AMBRA1: variants seen among roughly 807,000 people sequenced by gnomAD.
The protein encoded by AMBRA1 is autophagy and beclin 1 regulator 1.
AMBRA1 carries 47 observed loss-of-function variants against 125.4 expected under a neutral mutation model. The ratio of observed to expected loss-of-function variants is 0.37; its 90% CI spans 0.30 to 0.48. The LOEUF (loss-of-function observed/expected upper bound fraction) is 0.48, where lower values mean the gene tolerates loss of function less well. Ranked by LOEUF, AMBRA1 falls within the 20% of genes least tolerant of loss-of-function variation. AMBRA1 has a pLI of 0.99. For synonymous variants in AMBRA1, 626 were observed against 655.5 expected (o/e 0.95, Z 0.69); for missense variants, 1,331 against 1,693.4 (o/e 0.79, Z 3.76).
At chr11:46,408,375 C>T in intron 17 of AMBRA1, 138 bp downstream of exon 17, 1 of 873,984 alleles carries the variant, frequency 1.1e-6, no homozygotes, top group Non-Finnish European at 1.6e-6. Context: ...GAAACCATGT[C>T]GCTGCTGAGG....
chr11:46,485,398 A>G (rs1950231056), intron 11 of AMBRA1, among the ~76,000 whole-genome samples: 1 of 152,200 alleles, frequency 6.6e-6, no homozygotes, highest in Non-Finnish European at 1.5e-5. Context: ...AAACTGTACG[A>G]AAGACAAACT....
chr11:46,565,933 G>A (rs1483711756), intron 1 of AMBRA1, among the ~76,000 whole-genome samples: 1 of 151,762 alleles, frequency 6.6e-6, no homozygotes, highest in East Asian at 1.9e-4. Flanking sequence ...CCATCACATC[G>A]GCTAATTTTT....
chr11:46,415,721 C>A (rs1289742323), intron 15 of AMBRA1, among the ~76,000 whole-genome samples: 1 of 152,224 alleles, frequency 6.6e-6, no homozygotes, highest in Non-Finnish European at 1.5e-5. Flanking sequence ...TCCAACACAA[C>A]TTGGTCTGTG....
intron 1 of AMBRA1, among the ~76,000 whole-genome samples, chr11:46,555,785 C>T (rs1033059434): frequency 2.0e-5 from 3 of 152,242 alleles, no homozygotes; most frequent in African/African-American, 7.2e-5. Flanking sequence ...TAAAACCTGA[C>T]TAATAATTCA....
At chr11:46,590,421 G>T (rs1032279328) in intron 1 of AMBRA1, among the ~76,000 whole-genome samples, 3 of 151,778 alleles carry the variant, frequency 2.0e-5, no homozygotes, top group Non-Finnish European at 4.4e-5. Context: ...TTGAGCCCAG[G>T]AGTTTTGAGT....
chr11:46,560,595 G>A (rs902205552), intron 1 of AMBRA1, among the ~76,000 whole-genome samples: 1 of 152,114 alleles, frequency 6.6e-6, no homozygotes, highest in Non-Finnish European at 1.5e-5. Context: ...AAAAAGAAAC[G>A]GAAGTTTTAT....
Position 46,437,707 on chromosome 11 carries a change from GA to G in AMBRA1, c.2633-2671del, listed in dbSNP as rs559062037. 1.5e-3 allele frequency among the ~76,000 whole-genome samples: 225 copies of G among 152,354 alleles called. 1 individual carries two copies. Among genetic ancestry groups the G allele is most frequent in the Middle Eastern group, 3.4e-3 (1 of 294 alleles). ...TTTGATGAGTTAATTCATACAGGAA[GA>G]GATTTCTTGGATCTCAATTACTTGT... On this transcript the variant is annotated intron_variant, in intron 12 of 17. Transcript: ENST00000683756.
intron 11 of AMBRA1, among the ~76,000 whole-genome samples, chr11:46,445,347 C>G (rs893988582): frequency 3.3e-5 from 5 of 152,088 alleles, no homozygotes; most frequent in Admixed American, 6.5e-5. Context: ...TCCCTGAGAC[C>G]TGAGAATGAC....
At chr11:46,427,518 C>T (rs911417645) in intron 14 of AMBRA1, among the ~76,000 whole-genome samples, 1 of 152,214 alleles carries the variant, frequency 6.6e-6, no homozygotes, top group Admixed American at 6.5e-5. Context: ...CTTAACTTAG[C>T]GCGCAGAGTC....
At chr11:46,432,584 C>T (rs1001331135) in intron 14 of AMBRA1, among the ~76,000 whole-genome samples, 12 of 152,130 alleles carry the variant, frequency 7.9e-5, no homozygotes, top group Admixed American at 4.6e-4. Flanking sequence ...CATCTACATG[C>T]ACAGCACTAA....
chr11:46,447,845 C>G (rs573294673), intron 11 of AMBRA1, among the ~76,000 whole-genome samples: 1 of 152,154 alleles, frequency 6.6e-6, no homozygotes, highest in Non-Finnish European at 1.5e-5. Context: ...ACTCCACTCT[C>G]TGTGTGTATT....
At chr11:46,399,254 A>G (rs1260444442) in intron 17 of AMBRA1, among the ~76,000 whole-genome samples, 1 of 151,192 alleles carries the variant, frequency 6.6e-6, no homozygotes, top group Non-Finnish European at 1.5e-5. Flanking sequence ...TTGTATTTTT[A>G]GTAGAGACGG....
chr11:46,572,103 C>T (rs1427385974), intron 1 of AMBRA1, among the ~76,000 whole-genome samples: 1 of 152,102 alleles, frequency 6.6e-6, no homozygotes, highest in Non-Finnish European at 1.5e-5. Context: ...GAGATCGAGA[C>T]CATCCTGGCC....
chr11:46,566,499 A>G (rs2043538253), intron 1 of AMBRA1, among the ~76,000 whole-genome samples: 1 of 152,168 alleles, frequency 6.6e-6, no homozygotes, highest in African/African-American at 2.4e-5. Context: ...AAAAAGGCCA[A>G]TCCAAATGGT....
chr11:46,417,347 G>A (rs1946591501), intron 15 of AMBRA1, among the ~76,000 whole-genome samples: 1 of 152,136 alleles, frequency 6.6e-6, no homozygotes, highest in Admixed American at 6.5e-5. Context: ...ACTGTGCCCA[G>A]CCCCAAATTG....
intron 7 of AMBRA1, among the ~76,000 whole-genome samples, chr11:46,513,264 T>C (rs1207276482): frequency 2.1e-5 from 3 of 144,962 alleles, no homozygotes; most frequent in South Asian, 2.1e-4. Context: ...CTACGCTCTT[T>C]TTTCTTTTTT....
At chr11:46,592,195 A>C (rs937963228) in intron 1 of AMBRA1, among the ~76,000 whole-genome samples, 3 of 151,752 alleles carry the variant, frequency 2.0e-5, no homozygotes, top group African/African-American at 7.3e-5. Flanking sequence ...TTGGCCTCCC[A>C]AAGTGCTGGG....
chr11:46,579,430 C>T (rs2044094917), intron 1 of AMBRA1, among the ~76,000 whole-genome samples: 1 of 152,146 alleles, frequency 6.6e-6, no homozygotes, highest in Non-Finnish European at 1.5e-5. Flanking sequence ...GCACTCCAGC[C>T]TGGGCAACAA....
In AMBRA1 at chr11:46,454,279, T is replaced by G. The variant is rs958816060; in HGVS notation, c.2522-10681A>C. On this transcript the variant is annotated intron_variant, in intron 11 of 17. Transcript: ENST00000683756. ...CCTGGGCTCAAGTGATCCTCCTACCTTGGCCTCTCAAAGTGCTGAGATTAC... is the reference window on the plus strand; with the variant it reads ...CCTGGGCTCAAGTGATCCTCCTACCGTGGCCTCTCAAAGTGCTGAGATTAC... Among the ~76,000 whole-genome samples the G allele has an allele frequency of 2.0e-5, 3 of 151,976 alleles. No individual in the cohort carries two copies. The East Asian group carries it at 5.9e-4, about 30-fold the overall frequency.
Sources: gnomAD v4.1 joint callset for allele counts (sites outside exome capture counted in the v4.1 genomes callset) on GRCh38, gnomAD v4.1.1 for gene constraint, MANE v1.5 for transcripts, NCBI Gene and HGNC (gene_info 2026-07-23, HGNC 2026-07-21) for gene names.